The following SUCO variants were observed in gnomAD, a reference collection of about 807,000 sequenced individuals.
The protein encoded by SUCO is SUN domain containing ossification factor.
In SUCO, 57 loss-of-function variants were observed where a neutral mutation model predicts 148.1. The ratio of observed to expected loss-of-function variants is 0.38; its 90% CI spans 0.31 to 0.48. The LOEUF is 0.48. SUCO is among the 20% of genes least tolerant of loss of function. The pLI, the probability that SUCO is intolerant of heterozygous loss-of-function variation, is 0.96. For missense variants in SUCO, 1,331 were observed against 1,468.2 expected (o/e 0.91, Z 1.53); for synonymous variants, 470 against 502.7 (o/e 0.93, Z 0.87).
rs1266231184 is a variant in SUCO, at chr1:172,588,856, A to G, written c.1755A>G (p.Glu585=). Residue 585 remains glutamate, a synonymous_variant, in exon 18 of 24, where the codon GAA becomes GAG. Transcript: ENST00000263688. ...TTGTACAGTTAGTTCAAGAGGAGGA[A>G]GAGGAGGCAAGTCCATCTACAGTGA... is the stretch of plus-strand genomic sequence containing the variant. ...SPIVQLVQEE[E]EEASPSTVTL... 1.9e-6 allele frequency: 3 copies of G among 1,613,026 alleles called. No homozygotes were observed. Among genetic ancestry groups the G allele is most frequent in the Non-Finnish European group, 1.7e-6 (2 of 1,179,522 alleles).
upstream of SUCO, chr1:172,532,832 C>T (rs776454302): frequency 3.8e-6 from 6 of 1,562,152 alleles, no homozygotes; most frequent in Middle Eastern, 1.8e-4. Flanking sequence ...CTGAGGATCA[C>T]TGGGCTCCTC....
chr1:172,571,233 A>T, intron 9 of SUCO, among the ~76,000 whole-genome samples: 1 of 152,118 alleles, frequency 6.6e-6, no homozygotes, highest in East Asian at 1.9e-4. Context: ...TGGTTTTCGT[A>T]TTTTTTTGGT....
At chr1:172,597,285 C>T (rs145740696) in intron 19 of SUCO, among the ~76,000 whole-genome samples, 3,081 of 152,356 alleles carry the variant, frequency 0.02, 107 homozygotes, top group African/African-American at 0.071. Context: ...ATGGGCTGCA[C>T]CCACTGTCCA....
chr1:172,605,089 G>A (rs1487185845), intron 22 of SUCO, among the ~76,000 whole-genome samples: 1 of 151,738 alleles, frequency 6.6e-6, no homozygotes, highest in Non-Finnish European at 1.5e-5. Context: ...ACCCCCATTA[G>A]ATAATATGAT....
chr1:172,567,705 C>T (rs1239855215), intron 6 of SUCO, among the ~76,000 whole-genome samples: 2 of 152,184 alleles, frequency 1.3e-5, no homozygotes, highest in Non-Finnish European at 2.9e-5. Context: ...TTTGGACACA[C>T]ATGAGTGTTT....
chr1:172,599,855 T>G (rs1657382740), intron 19 of SUCO, among the ~76,000 whole-genome samples: 1 of 152,224 alleles, frequency 6.6e-6, no homozygotes, highest in Non-Finnish European at 1.5e-5. Context: ...ATAATAATTC[T>G]TGTTGGGGAG....
At chr1:172,561,518 G>C (rs1654151366) in intron 6 of SUCO, among the ~76,000 whole-genome samples, 1 of 152,134 alleles carries the variant, frequency 6.6e-6, no homozygotes, top group Non-Finnish European at 1.5e-5. Flanking sequence ...ACCCACACCA[G>C]CTCAGGGTAA....
At chr1:172,596,327 C>T (rs1276461316) in intron 19 of SUCO, among the ~76,000 whole-genome samples, 1 of 152,208 alleles carries the variant, frequency 6.6e-6, no homozygotes, top group Non-Finnish European at 1.5e-5. Context: ...CTGTTGCTGG[C>T]GAGGAGCTGC....
chr1:172,587,586 T>C (rs1656331819), intron 17 of SUCO, among the ~76,000 whole-genome samples: 1 of 152,142 alleles, frequency 6.6e-6, no homozygotes, highest in South Asian at 2.1e-4. Context: ...TAAATATATA[T>C]GGCTATAAAT....
At chr1:172,575,395 T>G in intron 10 of SUCO, 123 bp from the exon 11 acceptor site, 1 of 622,358 alleles carries the variant, frequency 1.6e-6, no homozygotes, top group Non-Finnish European at 2.8e-6. Flanking sequence ...TATTTATGTA[T>G]TAAACTGTTA....
intron 23 of SUCO, chr1:172,609,459 A>G: frequency 1.1e-6 from 1 of 912,596 alleles, no homozygotes; most frequent in African/African-American, 1.8e-5. Flanking sequence ...TTCTCATTTA[A>G]GAATCAAGGA....
In SUCO at chr1:172,602,173, A is replaced by T. The variant is rs916177336; in HGVS notation, c.3128A>T (p.Tyr1043Phe). 6.2e-7 allele frequency: 1 copy of T among 1,613,662 alleles called. No individual in the cohort carries two copies. Among genetic ancestry groups the T allele is most frequent in the Non-Finnish European group, 8.5e-7 (1 of 1,179,782 alleles). ...AATACTTCTCAATTTGATGGAGATT[A>T]TATTTCAAAACTTCCTAAAAGTAAT... ...CRNTSQFDGDYISKLPKSNQY... is the reference protein window; with the variant it reads ...CRNTSQFDGDFISKLPKSNQY... The change falls in exon 21 of 24, where the codon TAT becomes TTT. Residue 1043 changes from tyrosine to phenylalanine, a missense_variant. Around this residue, in one of 3 missense-constraint regions of SUCO, gnomAD observed 334 missense variants for 352.3 expected, o/e 0.95. Coordinates refer to ENST00000263688, the MANE Select transcript of SUCO (RefSeq NM_014283.5).
intron 9 of SUCO, among the ~76,000 whole-genome samples, chr1:172,573,321 A>G (rs1325471697): frequency 6.6e-6 from 1 of 152,168 alleles, no homozygotes; most frequent in Non-Finnish European, 1.5e-5. Context: ...TTCTGGTACC[A>G]GTTTTAATGG....
Position 172,591,000 on chromosome 1 carries a change from G to A in SUCO, c.2842G>A (p.Glu948Lys). Residue 948 changes from glutamate (E) to lysine (K), a missense_variant, in exon 19 of 24, where the codon GAA becomes AAA. Glu to Lys is a moderately conservative substitution (Grantham distance 56). Around this residue, in one of 3 missense-constraint regions of SUCO, gnomAD observed 5 missense variants for 22.4 expected, o/e 0.22. Transcript: ENST00000263688. ...ELSQRYRKQM[E>K]EMQKAFNKTI... ...ACTTCATAGGTACCGAAAACAAATG[G>A]AAGAAATGCAAAAGGCTTTCAATAA... 1 of 1,611,662 alleles carries A rather than the reference G, an allele frequency of 6.2e-7. No individual in the cohort carries two copies. The highest frequency in any genetic ancestry group is 8.5e-7 in the Non-Finnish European group (1 of 1,178,732).
Position 172,610,291 on chromosome 1 carries a change from T to C in SUCO, c.*32T>C. 6.5e-7 allele frequency: 1 copy of C among 1,538,888 alleles called. No individual in the cohort carries two copies. The highest frequency in any genetic ancestry group is 1.3e-5 in the South Asian group (1 of 76,982). ...TTGAACTTTTCATACAGAAGACTTTTTTGTTGTTGTTCTTTGAAGAACAGT... is the reference window on the plus strand; with the variant it reads ...TTGAACTTTTCATACAGAAGACTTTCTTGTTGTTGTTCTTTGAAGAACAGT... On this transcript the variant is annotated 3_prime_UTR_variant, in exon 24 of 24. Coordinates refer to ENST00000263688, the MANE Select transcript of SUCO (RefSeq NM_014283.5).
intron 11 of SUCO, 139 bp downstream of exon 11, chr1:172,575,762 G>T: frequency 2.0e-6 from 1 of 497,366 alleles, no homozygotes; most frequent in Non-Finnish European, 3.5e-6. Context: ...ATTCTTACTT[G>T]GGTATATTAT....
chr1:172,584,016 C>T (rs1656064471), intron 15 of SUCO, among the ~76,000 whole-genome samples: 2 of 152,138 alleles, frequency 1.3e-5, no homozygotes. Context: ...GTTTTATGAC[C>T]TTGACTTTTC....
chr1:172,568,309 A>G, intron 6 of SUCO: 1 of 396,788 alleles, frequency 2.5e-6, no homozygotes, highest in South Asian at 1.1e-4. Flanking sequence ...TTTGCTTCCC[A>G]CCCACCCCAT....
At chr1:172,560,131 C>T (rs142947959) in intron 6 of SUCO, among the ~76,000 whole-genome samples, 2 of 152,136 alleles carry the variant, frequency 1.3e-5, no homozygotes, top group South Asian at 2.1e-4. Flanking sequence ...CTTGTGCTAA[C>T]GTTATCTTTA....
Sources: allele counts gnomAD v4.1 joint callset (sites outside exome capture counted in the v4.1 genomes callset), GRCh38; gene constraint gnomAD v4.1.1; regional missense constraint gnomAD v4.1.1; transcripts MANE v1.5; gene names NCBI Gene and HGNC (gene_info 2026-07-23, HGNC 2026-07-21).